SIX4: variants seen among roughly 807,000 people sequenced by gnomAD.
The protein encoded by SIX4 is SIX homeobox 4, also known as homeobox protein SIX4.
A neutral mutation model predicts 51.5 loss-of-function variants in SIX4; 23 were observed. That is an observed-to-expected ratio of 0.45 (90% CI 0.32 to 0.63). SIX4 has a LOEUF of 0.63. SIX4 is among the 30% of genes least tolerant of loss of function. The pLI is 0.04. For synonymous variants in SIX4, 413 were observed against 417.3 expected, an observed-to-expected ratio of 0.99 and a Z score of 0.13; for missense variants, 867 against 984.0, an observed-to-expected ratio of 0.88 and a Z score of 1.59.
At position 60,722,247 on chromosome 14, in the gene SIX4, G is replaced by A. The variant is rs1896035130; in HGVS notation, c.863+965C>T. Among the ~76,000 whole-genome samples the A allele has an allele frequency of 6.6e-6, 1 of 152,180 alleles. No homozygotes were observed. The highest frequency in any genetic ancestry group is 1.5e-5 in the Non-Finnish European group (1 of 68,032). ...GACGCACACACCAAGTGTCTGACTC[G>A]GGAGGACGCACAAAAGAGGTGGAAA... On this transcript the variant is annotated intron_variant, in intron 1 of 2. Coordinates refer to ENST00000216513, the MANE Select transcript of SIX4 (RefSeq NM_017420.5). The surrounding 1 kb of genome is among the most constrained non-coding windows in gnomAD (Gnocchi z 5.9).
chr14:60,714,814 C>T (rs1399326046), intron 2 of SIX4, among the ~76,000 whole-genome samples: 1 of 151,604 alleles, frequency 6.6e-6, no homozygotes, highest in South Asian at 2.1e-4. Flanking sequence ...TATAGGCATG[C>T]GCCACCACAT....
Position 60,723,415 on chromosome 14 carries a change from G to C in SIX4, c.660C>G (p.Ile220Met). The change falls in exon 1 of 3, where the codon ATC (isoleucine) becomes ATG (methionine). Residue 220 changes from isoleucine to methionine, a missense_variant. Transcript: ENST00000216513. ...AATACACCGTCTCCTCGCCGTCCCA[G>C]ATGGTGCGGGGCAGGGGGAATTTCC... ...LRRKFPLPRT[I>M]WDGEETVYCF... 6.2e-7 allele frequency: 1 copy of C among 1,611,478 alleles called. No homozygotes were observed. Among genetic ancestry groups the C allele is most frequent in the Non-Finnish European group, 8.5e-7 (1 of 1,179,964 alleles).
chr14:60,721,670 C>G (rs906120070), intron 1 of SIX4, among the ~76,000 whole-genome samples: 2 of 151,954 alleles, frequency 1.3e-5, no homozygotes, highest in Admixed American at 6.5e-5. Context: ...AGCAGTGGAG[C>G]GTGGGGGAGT....
chr14:60,711,810 C>T lies in SIX4; in HGVS notation c.*1597G>A, dbSNP rs1895827079. ...AAAAAAAAAAAAAAAGCAAGATGTGCTAACATCTAACACCTTTATGTTCAA... is the reference window on the plus strand; with the variant it reads ...AAAAAAAAAAAAAAAGCAAGATGTGTTAACATCTAACACCTTTATGTTCAA... On this transcript the variant is annotated 3_prime_UTR_variant, in exon 3 of 3. Transcript: ENST00000216513. The T allele has an allele frequency of 6.7e-6, 1 of 150,214 alleles. No homozygotes were observed. The highest frequency in any genetic ancestry group is 2.4e-5 in the African/African-American group (1 of 40,926). The allele number at this position is 150,214 out of a possible 1,614,324, so 9.3% of individuals were successfully genotyped here.
rs571268229 is a variant in SIX4, at chr14:60,724,225, C to A, written c.-151G>T. 118 of 1,547,078 alleles carry A rather than the reference C, an allele frequency of 7.6e-5. No homozygotes were observed. The highest frequency in any genetic ancestry group is 1.4e-4 in the Admixed American group (7 of 51,468). On this transcript the variant is annotated 5_prime_UTR_variant, in exon 1 of 3. Transcript: ENST00000216513. ...CCTCCTGGTTTCGGCTGTATCTGGC[C>A]GATCAGGTTTCCCCCCGGCCACGCA...
Position 60,719,704 on chromosome 14 carries a change from AC to A in SIX4, c.1549+55del. On this transcript the variant is annotated intron_variant, in intron 2 of 2. Coordinates refer to ENST00000216513, the MANE Select transcript of SIX4 (RefSeq NM_017420.5). The surrounding 1 kb of genome is among the most constrained non-coding windows in gnomAD (Gnocchi z 4.9). ...ATAGCTATCACCAAATGCGTCACTT[AC>A]AGCAGCTGATGAACACATTTGCTGG... 1.3e-6 allele frequency: 2 copies of A among 1,541,664 alleles called. No individual in the cohort carries two copies. The highest frequency in any genetic ancestry group is 2.4e-5 in the South Asian group (2 of 82,782).
rs757805632 is a variant in SIX4, at chr14:60,719,962, G to T, written c.1347C>A (p.Pro449=). The change falls in exon 2 of 3, where the codon CCC becomes CCA. Residue 449 remains proline (P), a synonymous_variant. Coordinates refer to ENST00000216513, the MANE Select transcript of SIX4 (RefSeq NM_017420.5). The surrounding 1 kb of genome is among the most constrained non-coding windows in gnomAD (Gnocchi z 4.9). ...SVPVSFPGLI[P]STEVKREGIQ... is the part of the protein sequence containing the mutation. ...TGCCTTCTCTTTTCACCTCAGTGCT[G>T]GGTATCAGGCCTGGGAATGAGACAG... 3 of 1,614,218 alleles carry T rather than the reference G, an allele frequency of 1.9e-6. No homozygotes were observed. The East Asian group carries it at 6.7e-5, about 36-fold the overall frequency.
At chr14:60,718,017 A>G (rs1452962772) in intron 2 of SIX4, 1 of 206,552 alleles carries the variant, frequency 4.8e-6, no homozygotes. Flanking sequence ...GCCTAAAAAT[A>G]ATAATAATAA....
chr14:60,723,844 G>T lies in SIX4; in HGVS notation c.231C>A (p.Ala77=). Residue 77 remains alanine (A), a synonymous_variant, in exon 1 of 3, where the codon GCC becomes GCA. Transcript: ENST00000216513. ...GEEGAVAAAA[A]GAAADQVQLH... ...GTTGTACCTGATCCGCCGCCGCTCC[G>T]GCCGCCGCCGCCGCCACTGCCCCTT... is the stretch of plus-strand genomic sequence containing the variant. 2 of 1,523,382 alleles carry T rather than the reference G, an allele frequency of 1.3e-6. No individual in the cohort carries two copies. The highest frequency in any genetic ancestry group is 1.7e-6 in the Non-Finnish European group (2 of 1,147,054). 94.4% of individuals were successfully genotyped at this position (1,523,382 alleles called of 1,614,324 possible).
rs1594701229 is a variant in SIX4, at chr14:60,722,761, G to A, written c.863+451C>T. Among the ~76,000 whole-genome samples the A allele has an allele frequency of 6.6e-6, 1 of 152,168 alleles. No individual in the cohort carries two copies. Among genetic ancestry groups the A allele is most frequent in the East Asian group, 1.9e-4 (1 of 5,134 alleles). Reference sequence around the variant, plus strand: ...AGCGTGCGCGCGCGCCAGGCCCGGTGTGACCTCGCGGAGGTGCAGACCCCG... The same window carrying A: ...AGCGTGCGCGCGCGCCAGGCCCGGTATGACCTCGCGGAGGTGCAGACCCCG... On this transcript the variant is annotated intron_variant, in intron 1 of 2. Transcript: ENST00000216513. The surrounding 1 kb of genome is among the most constrained non-coding windows in gnomAD (Gnocchi z 5.9).
At position 60,713,988 on chromosome 14, in the gene SIX4, G is replaced by C. The variant is rs752241775; in HGVS notation, c.1765C>G (p.Gln589Glu). 1 of 1,614,134 alleles carries C rather than the reference G, an allele frequency of 6.2e-7. No individual in the cohort carries two copies. Among genetic ancestry groups the C allele is most frequent in the Non-Finnish European group, 8.5e-7 (1 of 1,180,026 alleles). The stretch of plus-strand genomic sequence containing the variant: ...TCAGAAGACAGGTTTGCATTTACTT[G>C]TGCATTCTGATTGACAGGCATCAAC... ...SQLMPVNQNAQVNANLSSENI... is the reference protein window; with the variant it reads ...SQLMPVNQNAEVNANLSSENI... Residue 589 changes from glutamine (Q) to glutamate (E), a missense_variant, in exon 3 of 3, where the codon CAA (glutamine) becomes GAA (glutamate). Physicochemically the swap from Gln to Glu is conservative, Grantham distance 29. Coordinates refer to ENST00000216513, the MANE Select transcript of SIX4 (RefSeq NM_017420.5).
At chr14:60,718,888 G>A (rs2140269747) in intron 2 of SIX4, among the ~76,000 whole-genome samples, 1 of 152,224 alleles carries the variant, frequency 6.6e-6, no homozygotes, top group South Asian at 2.1e-4. Context: ...CTTTGGTTTT[G>A]TAAAAATCTG....
intron 2 of SIX4, among the ~76,000 whole-genome samples, chr14:60,716,576 T>A (rs191569601): frequency 1.2e-4 from 18 of 152,074 alleles, no homozygotes; most frequent in African/African-American, 3.4e-4. Flanking sequence ...TTTGTAGAGA[T>A]GAGGTCTCAC....
chr14:60,711,067 T>A lies in SIX4; in HGVS notation c.*2340A>T, dbSNP rs554449651. On this transcript the variant is annotated 3_prime_UTR_variant, in exon 3 of 3. Transcript: ENST00000216513. Reference sequence around the variant, plus strand: ...AAACCTCCCCATCTCTCTTGTTGGATGGGTATTTGAAAATAACAAACTCTT... The same window carrying A: ...AAACCTCCCCATCTCTCTTGTTGGAAGGGTATTTGAAAATAACAAACTCTT... 6.6e-6 allele frequency: 1 copy of A among 152,002 alleles called. No homozygotes were observed. The highest frequency in any genetic ancestry group is 2.4e-5 in the African/African-American group (1 of 41,452). The allele number at this position is 152,002 out of a possible 1,614,324, so 9.4% of individuals were successfully genotyped here.
In SIX4 at chr14:60,724,295, A is replaced by C. The variant is rs966445223; in HGVS notation, c.-221T>G. ...TTAGAGCAAAGTAGTGTAAACGGAT[A>C]GCTGCTTTCTGCCGTTCCCCCAACG... On this transcript the variant is annotated 5_prime_UTR_variant, in exon 1 of 3. Coordinates refer to ENST00000216513, the MANE Select transcript of SIX4 (RefSeq NM_017420.5). 3 of 1,523,052 alleles carry C rather than the reference A, an allele frequency of 2.0e-6. No homozygotes were observed. The African/African-American group carries it at 4.1e-5, about 21-fold the overall frequency. The allele number at this position is 1,523,052 out of a possible 1,614,324, so 94.3% of individuals were successfully genotyped here.
intron 1 of SIX4, 21 bp downstream of exon 1, chr14:60,723,185 GGGAGGA>G: frequency 6.3e-7 from 1 of 1,575,268 alleles, no homozygotes. Context: ...GAGAGGAAGG[GGGAGGA>G]GGAGGAAAGT....
In SIX4 at chr14:60,724,197, C is replaced by T; in HGVS notation, c.-123G>A. On this transcript the variant is annotated 5_prime_UTR_variant, in exon 1 of 3. Coordinates refer to ENST00000216513, the MANE Select transcript of SIX4 (RefSeq NM_017420.5). ...TCTCCCCCTCCGGAAAGCCCACTCC[C>T]TCCCTCCTGGTTTCGGCTGTATCTG... 6.4e-7 allele frequency: 1 copy of T among 1,572,116 alleles called. No homozygotes were observed. Among genetic ancestry groups the T allele is most frequent in the Non-Finnish European group, 8.6e-7 (1 of 1,165,352 alleles).
Position 60,713,727 on chromosome 14 carries a change from ATAGGTCTTGACCAGTAATAAGGGAGCAG to A in SIX4, c.1998_2025del (p.Ser668GlnfsTer4). 6.2e-7 allele frequency: 1 copy of A among 1,614,228 alleles called. No homozygotes were observed. The highest frequency in any genetic ancestry group is 1.3e-5 in the African/African-American group (1 of 75,050). ...GCAGCCTGAGTCATAGGGACTGACAATAGGTCTTGACCAGTAATAAGGGAGCAGTTCTGAAGAGTTGCATAGTTAGTGT... is the reference window on the plus strand; with the variant it reads ...GCAGCCTGAGTCATAGGGACTGACAATTCTGAAGAGTTGCATAGTTAGTGT... On this transcript the variant is annotated frameshift_variant, in exon 3 of 3. Transcript: ENST00000216513. LOFTEE classifies it high-confidence loss of function.
In SIX4 at chr14:60,720,296, T is replaced by C; in HGVS notation, c.1013A>G (p.Asn338Ser). 6.2e-7 allele frequency: 1 copy of C among 1,614,236 alleles called. No individual in the cohort carries two copies. The highest frequency in any genetic ancestry group is 8.5e-7 in the Non-Finnish European group (1 of 1,180,048). ...AGAAGAGCTTAATGATATCTTAGCA[T>C]TTCCAATTTGTTGCATATATACTGG... is the stretch of plus-strand genomic sequence containing the variant. The part of the protein sequence containing the change: ...MEPVYMQQIG[N>S]AKISLSSSGV... The change falls in exon 2 of 3, where the codon AAT (asparagine) becomes AGT (serine). Residue 338 changes from asparagine (N) to serine (S), a missense_variant. Physicochemically the swap from Asn to Ser is conservative, Grantham distance 46. Coordinates refer to ENST00000216513, the MANE Select transcript of SIX4 (RefSeq NM_017420.5). The surrounding 1 kb of genome is among the most constrained non-coding windows in gnomAD (Gnocchi z 5.5).
Sources: allele counts gnomAD v4.1 joint callset (sites outside exome capture counted in the v4.1 genomes callset), GRCh38; gene constraint gnomAD v4.1.1; non-coding constraint Gnocchi (gnomAD v3.1); transcripts MANE v1.5; gene names NCBI Gene and HGNC (gene_info 2026-07-23, HGNC 2026-07-21).